Variants in ANKHD1 observed in about 807,000 individuals in gnomAD.
The protein encoded by ANKHD1 is ankyrin repeat and KH domain-containing protein 1.
Under a neutral mutation model 230.5 loss-of-function variants are expected in ANKHD1, and 31 were observed. The observed-to-expected ratio is 0.13, with a 90% CI of 0.10 to 0.18. The LOEUF (loss-of-function observed/expected upper bound fraction) is 0.18. Among genes scored for constraint, ANKHD1 ranks in the 10% least tolerant of loss-of-function variants. The probability of loss-of-function intolerance (pLI) is 1.00; values close to 1 mark genes in which losing one functional copy is unlikely to be tolerated. For missense variants in ANKHD1, 2,256 were observed against 3,071.3 expected (o/e 0.73, Z 6.27); for synonymous variants, 1,074 against 1,117.6 (o/e 0.96, Z 0.78).
Position 140,478,424 on chromosome 5 carries a change from TTA to T in ANKHD1, c.1783-4154_1783-4153del, listed in dbSNP as rs1751085127. Among the ~76,000 whole-genome samples, 2 of 151,568 alleles carry T rather than the reference TTA, an allele frequency of 1.3e-5. 1 individual carries two copies. The highest frequency in any genetic ancestry group is 1.3e-4 in the Admixed American group (2 of 15,232). On this transcript the variant is annotated intron_variant, in intron 10 of 33. Coordinates refer to ENST00000360839, the MANE Select transcript of ANKHD1 (RefSeq NM_017747.3). ...CAATAAACTTAAAAGTGAATTGTAA[TTA>T]TTTTATAAGTAGAGATCTTAAAATT...
intron 22 of ANKHD1, among the ~76,000 whole-genome samples, chr5:140,511,269 A>G (rs904856716): frequency 5.3e-5 from 8 of 152,014 alleles, no homozygotes; most frequent in East Asian, 1.9e-4. Flanking sequence ...CTTCATGTCA[A>G]CCTCCCCATA....
intron 3 of ANKHD1, among the ~76,000 whole-genome samples, chr5:140,439,799 C>A (rs1038965426): frequency 1.2e-4 from 19 of 152,114 alleles, no homozygotes; most frequent in Non-Finnish European, 2.1e-4. Flanking sequence ...GCTTTCAAAG[C>A]TGTCCTGGGC....
rs11952855 is a variant in ANKHD1 at position 140,466,200 on chromosome 5, G to A, written c.1782+1424G>A. Reference sequence around the variant, plus strand: ...TGAGGTCAGGTGTTAAAGACCAGCCGGACTAACTTGGTGAAACCCTGTCTC... The same window carrying A: ...TGAGGTCAGGTGTTAAAGACCAGCCAGACTAACTTGGTGAAACCCTGTCTC... On this transcript the variant is annotated intron_variant, in intron 10 of 33. Transcript: ENST00000360839. 2.9e-3 allele frequency among the ~76,000 whole-genome samples: 445 copies of A among 151,780 alleles called. 1 individual carries two copies. Among genetic ancestry groups the A allele is most frequent in the African/African-American group, 9.1e-3 (375 of 41,392 alleles).
intron 1 of ANKHD1, among the ~76,000 whole-genome samples, chr5:140,427,569 G>C (rs1374003968): frequency 1.3e-4 from 12 of 91,886 alleles, no homozygotes; most frequent in South Asian, 7.3e-4. Flanking sequence ...CACCTCCCTT[G>C]CGGACGGGGC....
At position 140,476,269 on chromosome 5, in the gene ANKHD1, A is replaced by T. The variant is rs560606182; in HGVS notation, c.1783-6311A>T. Reference sequence around the variant, plus strand: ...GATTAGAAGCTCCACCATATTATCTACTAGAAGTTCCTGAAGGAGAGGATA... The same window carrying T: ...GATTAGAAGCTCCACCATATTATCTTCTAGAAGTTCCTGAAGGAGAGGATA... On this transcript the variant is annotated intron_variant, in intron 10 of 33. Transcript: ENST00000360839. Among the ~76,000 whole-genome samples the T allele has an allele frequency of 3.0e-4, 46 of 152,234 alleles. 1 individual carries two copies. In the South Asian group the frequency reaches 6.0e-3, roughly 20 times the overall value.
At chr5:140,532,413 G>A (rs2127094283) in intron 29 of ANKHD1, among the ~76,000 whole-genome samples, 1 of 152,166 alleles carries the variant, frequency 6.6e-6, no homozygotes, top group Middle Eastern at 3.4e-3. Flanking sequence ...GAGGGTGGGT[G>A]ATAGCTTAGG....
At chr5:140,417,998 C>A (rs1771545632) in intron 1 of ANKHD1, among the ~76,000 whole-genome samples, 1 of 151,652 alleles carries the variant, frequency 6.6e-6, no homozygotes, top group South Asian at 2.1e-4. Context: ...TGCCACCACG[C>A]CCGGCTAGTT....
chr5:140,496,554 A>G lies in ANKHD1; in HGVS notation c.2280A>G (p.Val760=). 1 of 1,599,138 alleles carries G rather than the reference A, an allele frequency of 6.3e-7. No homozygotes were observed. The highest frequency in any genetic ancestry group is 8.5e-7 in the Non-Finnish European group (1 of 1,176,422). Residue 760 remains valine, a synonymous_variant, in exon 15 of 34, where the codon GTA becomes GTG. Transcript: ENST00000360839. The part of the protein sequence containing the change: ...TSKQKSSSLQ[V]ADQDLLPSFH... ...AGCAGAAGTCCAGTTCCCTCCAGGT[A>G]GCAGATCAGGACCTACTGCCATCTT...
chr5:140,513,845 G>A (rs1276444799), intron 24 of ANKHD1, among the ~76,000 whole-genome samples: 1 of 151,414 alleles, frequency 6.6e-6, no homozygotes, highest in Admixed American at 6.6e-5. Context: ...TTGAGGGTGG[G>A]CGTGGTGGCT....
intron 24 of ANKHD1, among the ~76,000 whole-genome samples, chr5:140,520,595 A>G (rs1429184205): frequency 6.6e-6 from 1 of 151,978 alleles, no homozygotes; most frequent in Non-Finnish European, 1.5e-5. Flanking sequence ...AATACTATGC[A>G]GCCATAAAAA....
chr5:140,533,669 C>T (rs1391075391), intron 29 of ANKHD1, among the ~76,000 whole-genome samples: 1 of 146,710 alleles, frequency 6.8e-6, no homozygotes, highest in African/African-American at 2.5e-5. Flanking sequence ...AGCTACTCAG[C>T]GGGGCTAGGC....
Position 140,527,147 on chromosome 5 carries a change from A to T in ANKHD1, c.5087+73A>T. 1 of 1,461,428 alleles carries T rather than the reference A, an allele frequency of 6.8e-7. No individual in the cohort carries two copies. Among genetic ancestry groups the T allele is most frequent in the Non-Finnish European group, 9.1e-7 (1 of 1,101,822 alleles). The allele number at this position is 1,461,428 out of a possible 1,614,324, so 90.5% of individuals were successfully genotyped here. On this transcript the variant is annotated intron_variant, in intron 27 of 33. Transcript: ENST00000360839. The surrounding 1 kb of genome is among the most constrained non-coding windows in gnomAD (Gnocchi z 4.5). ...TCTCATGTGAGATGGCTACCTAGTT[A>T]ATTAATGAATAATTTGAATGTGGTT...
At chr5:140,446,018 C>A in intron 6 of ANKHD1, 43 bp downstream of exon 6, 4 of 1,494,132 alleles carry the variant, frequency 2.7e-6, no homozygotes, top group Non-Finnish European at 3.6e-6. Context: ...TTTTCGTAAC[C>A]ACTTTGATTA....
chr5:140,424,881 A>G (rs957061875), intron 1 of ANKHD1, among the ~76,000 whole-genome samples: 1 of 152,208 alleles, frequency 6.6e-6, no homozygotes, highest in South Asian at 2.1e-4. Context: ...TCTGAAACAC[A>G]TAGCTTCAGA....
intron 25 of ANKHD1, 111 bp from the exon 26 acceptor site, chr5:140,525,885 G>T: frequency 7.6e-7 from 1 of 1,319,596 alleles, no homozygotes; most frequent in Non-Finnish European, 1.0e-6. Flanking sequence ...CTGGTGAAAG[G>T]AAAATATGAT....
At chr5:140,463,507 C>T (rs1426955778) in intron 9 of ANKHD1, among the ~76,000 whole-genome samples, 1 of 152,162 alleles carries the variant, frequency 6.6e-6, no homozygotes, top group East Asian at 1.9e-4. Context: ...ATTTAGTCTA[C>T]TACCATTGTC....
At chr5:140,464,950 T>C in intron 10 of ANKHD1, 174 bp downstream of exon 10, 1 of 536,966 alleles carries the variant, frequency 1.9e-6, no homozygotes, top group South Asian at 3.9e-5. Flanking sequence ...AAATACTTAG[T>C]GTTGAACAGG....
chr5:140,508,208 T>C (rs1561811381), intron 20 of ANKHD1, among the ~76,000 whole-genome samples: 3 of 152,328 alleles, frequency 2.0e-5, no homozygotes, highest in East Asian at 3.9e-4. Flanking sequence ...GAATTAGTAC[T>C]TTTCCCAACC....
rs1561809976 is a variant in ANKHD1 at position 140,506,743 on chromosome 5, G to A, written c.3409-92G>A. On this transcript the variant is annotated intron_variant, in intron 18 of 33. Transcript: ENST00000360839. This position sits in a 1 kb window ranked among gnomAD's most constrained non-coding sequence, Gnocchi z 4.7. Reference sequence around the variant, plus strand: ...ATTAAAATATCAGATATTTAGATAAGGAAGTTATAAGTCCTGTTTCTTTGT... The same window carrying A: ...ATTAAAATATCAGATATTTAGATAAAGAAGTTATAAGTCCTGTTTCTTTGT... The A allele has an allele frequency of 6.5e-7, 1 of 1,536,076 alleles. No homozygotes were observed. Among genetic ancestry groups the A allele is most frequent in the Non-Finnish European group, 8.8e-7 (1 of 1,138,634 alleles).
Sources: gnomAD v4.1 joint callset for allele counts (sites outside exome capture counted in the v4.1 genomes callset) on GRCh38, gnomAD v4.1.1 for gene constraint, Gnocchi (gnomAD v3.1) non-coding constraint, MANE v1.5 for transcripts, NCBI Gene and HGNC (gene_info 2026-07-23, HGNC 2026-07-21) for gene names.